The following DHX15 variants were observed in gnomAD, a reference collection of about 807,000 sequenced individuals.
DHX15 encodes DEAH-box helicase 15, also known as ATP-dependent RNA helicase DHX15.
DHX15 carries 11 observed loss-of-function variants against 94.4 expected under a neutral mutation model. The ratio of observed to expected loss-of-function variants is 0.12; its 90% CI spans 0.07 to 0.19. The LOEUF is 0.19. Ranked by LOEUF, DHX15 falls within the 10% of genes least tolerant of loss-of-function variation. The pLI, the probability that DHX15 is intolerant of heterozygous loss-of-function variation, is 1.00. For synonymous variants in DHX15, 338 were observed against 329.9 expected (o/e 1.02, Z -0.27); for missense variants, 304 against 988.5 (o/e 0.31, Z 9.29).
chr4:24,555,247 G>A (rs1359849406), intron 4 of DHX15, among the ~76,000 whole-genome samples: 2 of 150,808 alleles, frequency 1.3e-5, no homozygotes, highest in Admixed American at 1.3e-4. Context: ...TTAATATGCA[G>A]TATAATTATT....
intron 3 of DHX15, 129 bp downstream of exon 3, chr4:24,570,525 G>A: frequency 1.4e-6 from 1 of 700,908 alleles, no homozygotes; most frequent in South Asian, 2.0e-5. Flanking sequence ...CATGTGGTAA[G>A]TCTAAGAAGG....
At chr4:24,559,912 A>T (rs1023321209) in intron 3 of DHX15, among the ~76,000 whole-genome samples, 1 of 152,222 alleles carries the variant, frequency 6.6e-6, no homozygotes, top group African/African-American at 2.4e-5. Context: ...TAATCAAATT[A>T]AACAAGAAGC....
At chr4:24,552,793 G>A (rs1461459433) in intron 5 of DHX15, among the ~76,000 whole-genome samples, 1 of 152,170 alleles carries the variant, frequency 6.6e-6, no homozygotes, top group Non-Finnish European at 1.5e-5. Flanking sequence ...CAAAAAAACA[G>A]CTGACAACTA....
intron 6 of DHX15, among the ~76,000 whole-genome samples, chr4:24,545,168 T>C (rs888685641): frequency 6.6e-6 from 1 of 152,194 alleles, no homozygotes; most frequent in East Asian, 1.9e-4. Flanking sequence ...TCTGGCTTTC[T>C]GGAATTCTGG....
Position 24,550,280 on chromosome 4 carries a change from C to G in DHX15, c.1081-1258G>C, listed in dbSNP as rs28883889. ...ATAAACACTGTACATTTTGGCGATA[C>G]AAAATTTATAAAAAAATGTATTTTC... is the stretch of plus-strand genomic sequence containing the variant. On this transcript the variant is annotated intron_variant, in intron 5 of 13. Transcript: ENST00000336812. 5.8e-3 allele frequency among the ~76,000 whole-genome samples: 880 copies of G among 151,820 alleles called. 9 individuals are homozygous for G. The highest frequency in any genetic ancestry group is 0.02 in the African/African-American group (844 of 41,408).
intron 2 of DHX15, among the ~76,000 whole-genome samples, chr4:24,574,336 C>T (rs75278835): frequency 1.3e-5 from 2 of 151,612 alleles, no homozygotes; most frequent in Admixed American, 1.3e-4. Context: ...TAAGAGCATG[C>T]TAGGAAACAT....
intron 6 of DHX15, among the ~76,000 whole-genome samples, chr4:24,543,839 G>A (rs1721368349): frequency 6.6e-6 from 1 of 152,086 alleles, no homozygotes. Context: ...ATGATTTTCA[G>A]GAACAGGTTA....
intron 3 of DHX15, among the ~76,000 whole-genome samples, chr4:24,562,341 A>G (rs1721895688): frequency 6.6e-6 from 1 of 152,200 alleles, no homozygotes. Context: ...GGAAAGCTTT[A>G]CAATACACTC....
chr4:24,563,242 AC>A (rs1312516203), intron 3 of DHX15: 1 of 152,162 alleles, frequency 6.6e-6, no homozygotes, highest in African/African-American at 2.4e-5. Flanking sequence ...GTGGCTACTC[AC>A]AGATACAATC....
intron 8 of DHX15, 149 bp from the exon 9 acceptor site, chr4:24,541,097 T>C (rs1196137601): frequency 4.0e-6 from 2 of 503,654 alleles, no homozygotes; most frequent in African/African-American, 4.0e-5. Context: ...TAGGCTAGAC[T>C]AGAGAGAAAC....
intron 3 of DHX15, among the ~76,000 whole-genome samples, chr4:24,559,113 G>C (rs557004115): frequency 5.5e-4 from 83 of 152,010 alleles, no homozygotes; most frequent in Non-Finnish European, 9.9e-4. Context: ...TAAATCCAAT[G>C]ACCAGTATCC....
chr4:24,581,184 A>G (rs1722407925), intron 1 of DHX15, among the ~76,000 whole-genome samples: 1 of 151,906 alleles, frequency 6.6e-6, no homozygotes, highest in Non-Finnish European at 1.5e-5. Flanking sequence ...GCCCGCCACC[A>G]CACCCGGCTA....
chr4:24,562,469 T>C (rs972433239), intron 3 of DHX15, among the ~76,000 whole-genome samples: 1 of 152,234 alleles, frequency 6.6e-6, no homozygotes, highest in Non-Finnish European at 1.5e-5. Context: ...TATTATTGTC[T>C]GATCTTGGAC....
Position 24,532,909 on chromosome 4 carries a change from A to G in DHX15, c.2055T>C (p.Tyr685=), listed in dbSNP as rs764554093. Residue 685 remains tyrosine (Y), a synonymous_variant, in exon 12 of 14, where the codon TAT becomes TAC. Transcript: ENST00000336812. ...RRSTDFTSRD[Y]YINIRKALVT... is the part of the protein sequence containing the mutation. ...CCAAAGCTTTTCTTATATTAATATA[A>G]TAGTCCCTGCTTGTAAAGTCAGTAC... is the stretch of plus-strand genomic sequence containing the variant. 1.4e-5 allele frequency: 22 copies of G among 1,613,760 alleles called. No individual in the cohort carries two copies. Among genetic ancestry groups the G allele is most frequent in the Middle Eastern group, 1.7e-4 (1 of 6,056 alleles).
At chr4:24,569,641 A>C (rs1722074378) in intron 3 of DHX15, among the ~76,000 whole-genome samples, 1 of 148,602 alleles carries the variant, frequency 6.7e-6, no homozygotes, top group Non-Finnish European at 1.5e-5. Context: ...CATTTATCCC[A>C]TTAACACTAT....
chr4:24,547,927 A>ATCTATATATC lies in DHX15; in HGVS notation c.1248+927_1248+928insGATATATAGA, dbSNP rs1560765859. Among the ~76,000 whole-genome samples, 10 of 102,960 alleles carry ATCTATATATC rather than the reference A, an allele frequency of 9.7e-5. 1 individual carries two copies. 67.5% of individuals were successfully genotyped at this position (102,960 alleles called of 152,430 possible). A position where few individuals can be genotyped will look rare whatever the true frequency, so the allele number is the denominator to read the frequency against. ...TGTATATATATATATATATATATAT[A>ATCTATATATC]TATATATATATATATCTATATCTAT... On this transcript the variant is annotated intron_variant, in intron 6 of 13. Transcript: ENST00000336812.
chr4:24,570,554 A>C (rs999772871), intron 3 of DHX15, 100 bp downstream of exon 3: 1 of 1,039,982 alleles, frequency 9.6e-7, no homozygotes. Context: ...GGATAATTCT[A>C]AATTTGGATG....
At chr4:24,548,565 T>C (rs1721511251) in intron 6 of DHX15, among the ~76,000 whole-genome samples, 1 of 152,354 alleles carries the variant, frequency 6.6e-6, no homozygotes, top group Non-Finnish European at 1.5e-5. Context: ...GAAAAAGTGC[T>C]TACTTTATAA....
chr4:24,533,850 G>T (rs1015496100), intron 11 of DHX15: 1 of 152,114 alleles, frequency 6.6e-6, no homozygotes, highest in African/African-American at 2.4e-5. Context: ...AACTAACAGG[G>T]TTATTGTGAA....
Sources: allele counts gnomAD v4.1 joint callset (sites outside exome capture counted in the v4.1 genomes callset), GRCh38; gene constraint gnomAD v4.1.1; transcripts MANE v1.5; gene names NCBI Gene and HGNC (gene_info 2026-07-23, HGNC 2026-07-21).